ITPR1: variants seen among roughly 807,000 people sequenced by gnomAD.
ITPR1 encodes the protein inositol 1,4,5-trisphosphate receptor type 1, also known as inositol 1,4,5-trisphosphate-gated calcium channel ITPR1.
A neutral mutation model predicts 318.4 loss-of-function variants in ITPR1; 96 were observed. That is an observed-to-expected ratio of 0.30 (90% confidence interval 0.26 to 0.36). The LOEUF (loss-of-function observed/expected upper bound fraction) is 0.36, where lower values mean the gene tolerates loss of function less well. Among genes scored for constraint, ITPR1 ranks in the 10% least tolerant of loss-of-function variants. The pLI is 1.00. For missense variants in ITPR1, 2,440 were observed against 3,460.2 expected, an observed-to-expected ratio of 0.71 and a Z score of 7.40; for synonymous variants, 1,312 against 1,289.9, an observed-to-expected ratio of 1.02 and a Z score of -0.37.
chr3:4,796,298 G>A (rs900485156), intron 53 of ITPR1, among the ~76,000 whole-genome samples: 8 of 87,320 alleles, frequency 9.2e-5, no homozygotes, highest in African/African-American at 3.8e-4. Context: ...GTCCAGGGGG[G>A]ATTTTTTTTT....
Position 4,710,556 on chromosome 3 carries a change from T to A in ITPR1, c.4991+83T>A. On this transcript the variant is annotated intron_variant, in intron 38 of 61. Coordinates refer to ENST00000649015, the MANE Select transcript of ITPR1 (RefSeq NM_001378452.1). This position sits in a 1 kb window ranked among gnomAD's most constrained non-coding sequence, Gnocchi z 4.2. ...GCTTTTGTTCCCGAAGAAGGAGACG[T>A]TGTCCTGTTTTTTAACTTTGATGAA... 7.2e-7 allele frequency: 1 copy of A among 1,383,832 alleles called. No individual in the cohort carries two copies. Among genetic ancestry groups the A allele is most frequent in the Non-Finnish European group, 9.8e-7 (1 of 1,020,686 alleles). The allele number at this position is 1,383,832 out of a possible 1,614,324, so 85.7% of individuals were successfully genotyped here.
At chr3:4,785,540 A>C (rs1167092096) in intron 51 of ITPR1, among the ~76,000 whole-genome samples, 1 of 148,448 alleles carries the variant, frequency 6.7e-6, no homozygotes, top group African/African-American at 2.5e-5. Context: ...TTCACTGATT[A>C]GCCAACCATG....
chr3:4,617,830 C>CAA (rs34216867), intron 4 of ITPR1, among the ~76,000 whole-genome samples: 3,137 of 141,554 alleles, frequency 0.022, 112 homozygotes, highest in African/African-American at 0.075. Flanking sequence ...TTAAAAAATG[C>CAA]AAAAAAAAAA....
At chr3:4,742,725 C>T (rs2043798483) in intron 44 of ITPR1, among the ~76,000 whole-genome samples, 1 of 152,084 alleles carries the variant, frequency 6.6e-6, no homozygotes, top group South Asian at 2.1e-4. Context: ...TCCTGAGTAG[C>T]TGGGACTATA....
At chr3:4,530,889 T>A (rs931167339) in intron 4 of ITPR1, among the ~76,000 whole-genome samples, 4 of 152,158 alleles carry the variant, frequency 2.6e-5, no homozygotes, top group African/African-American at 9.7e-5. Flanking sequence ...TGACTCCTAA[T>A]GTTTGATCTT....
At chr3:4,800,166 G>C (rs1016604746) in intron 53 of ITPR1, 1 of 480,002 alleles carries the variant, frequency 2.1e-6, no homozygotes, top group African/African-American at 2.0e-5. Context: ...AGGCTTCCTG[G>C]AAGAAGTAAT....
At chr3:4,689,288 C>A (rs1479457943) in intron 31 of ITPR1, among the ~76,000 whole-genome samples, 2 of 149,054 alleles carry the variant, frequency 1.3e-5, no homozygotes, top group African/African-American at 4.9e-5. Context: ...GTAAACAATA[C>A]TGCAAAGGAC....
intron 32 of ITPR1, 126 bp downstream of exon 32, chr3:4,691,470 G>T: frequency 1.6e-6 from 1 of 629,500 alleles, no homozygotes; most frequent in Admixed American, 2.7e-5. Context: ...AAGTAATTGT[G>T]TGTGCATATG....
At chr3:4,805,445 T>C (rs932013230) in intron 54 of ITPR1, among the ~76,000 whole-genome samples, 3 of 152,184 alleles carry the variant, frequency 2.0e-5, no homozygotes, top group African/African-American at 4.8e-5. Context: ...GGGAATACAA[T>C]ATTGTGATGG....
intron 5 of ITPR1, among the ~76,000 whole-genome samples, chr3:4,637,492 C>T (rs1201407909): frequency 1.3e-5 from 2 of 152,216 alleles, no homozygotes; most frequent in African/African-American, 4.8e-5. Flanking sequence ...GTGCTGAGGG[C>T]AACTTGCATG....
chr3:4,600,303 C>T lies in ITPR1; in HGVS notation c.164-27460C>T, dbSNP rs181599803. Among the ~76,000 whole-genome samples the T allele has an allele frequency of 2.4e-4, 36 of 152,236 alleles. No individual in the cohort carries two copies. The East Asian group carries it at 5.6e-3, about 24-fold the overall frequency. On this transcript the variant is annotated intron_variant, in intron 4 of 61. Transcript: ENST00000649015. ...TCATTCTACACATCCCTCAAGTTCC[C>T]TTGTGAATTAGAACTGGTGTTGAGG...
intron 2 of ITPR1, among the ~76,000 whole-genome samples, chr3:4,514,293 G>A (rs549779378): frequency 2.0e-5 from 3 of 152,150 alleles, no homozygotes; most frequent in Admixed American, 2.0e-4. Context: ...CACAATGGTG[G>A]GCATGAGAAA....
At chr3:4,609,373 C>T (rs1468058968) in intron 4 of ITPR1, among the ~76,000 whole-genome samples, 1 of 151,882 alleles carries the variant, frequency 6.6e-6, no homozygotes, top group African/African-American at 2.4e-5. Context: ...AAACATAGGT[C>T]ATGAAATAAG....
intron 13 of ITPR1, among the ~76,000 whole-genome samples, chr3:4,658,802 A>G (rs905433533): frequency 2.6e-5 from 4 of 152,100 alleles, no homozygotes; most frequent in African/African-American, 7.2e-5. Context: ...TTCAGGGGAC[A>G]TAACTGGACT....
At position 4,688,569 on chromosome 3, in the gene ITPR1, G is replaced by A. The variant is rs1186413299; in HGVS notation, c.3777G>A (p.Gln1259=). The part of the protein sequence containing the change: ...EFLQNFCAGN[Q]QNQALLHKHI... ...TGCAGAATTTCTGCGCAGGCAACCA[G>A]CAGAATCAAGCTTTGCTACATAAAC... Residue 1259 remains glutamine (Q), a synonymous_variant, in exon 31 of 62, where the codon CAG becomes CAA. Transcript: ENST00000649015. 6.2e-7 allele frequency: 1 copy of A among 1,613,894 alleles called. No individual in the cohort carries two copies. The highest frequency in any genetic ancestry group is 8.5e-7 in the Non-Finnish European group (1 of 1,179,876).
chr3:4,684,722 C>T (rs1283841664), intron 29 of ITPR1, among the ~76,000 whole-genome samples: 7 of 152,182 alleles, frequency 4.6e-5, no homozygotes, highest in South Asian at 2.1e-4. Flanking sequence ...CCTTTGCGTA[C>T]GCTGGTTCAA....
chr3:4,710,634 T>C lies in ITPR1; in HGVS notation c.4991+161T>C, dbSNP rs563062440. ...CTGACCTCCCCAAAGTAAGTTTGTC[T>C]ATTAAATCCTGCTTACTGACACTTT... is the stretch of plus-strand genomic sequence containing the variant. On this transcript the variant is annotated intron_variant, in intron 38 of 61. Transcript: ENST00000649015. This position sits in a 1 kb window ranked among gnomAD's most constrained non-coding sequence, Gnocchi z 4.2. 2.0e-5 allele frequency among the ~76,000 whole-genome samples: 3 copies of C among 152,330 alleles called. No homozygotes were observed. The highest frequency in any genetic ancestry group is 4.4e-5 in the Non-Finnish European group (3 of 68,030).
chr3:4,625,724 T>A (rs1290904060), intron 4 of ITPR1, among the ~76,000 whole-genome samples: 1 of 150,824 alleles, frequency 6.6e-6, no homozygotes, highest in Non-Finnish European at 1.5e-5. Flanking sequence ...GCCCGGCTAA[T>A]TTTTTGTATT....
intron 23 of ITPR1, 66 bp downstream of exon 23, chr3:4,675,314 C>T (rs1305661402): frequency 1.1e-5 from 13 of 1,162,504 alleles, no homozygotes; most frequent in African/African-American, 1.6e-5. Flanking sequence ...ATGCTCATGT[C>T]ATACCCTATA....
Sources: allele counts gnomAD v4.1 joint callset (sites outside exome capture counted in the v4.1 genomes callset), GRCh38; gene constraint gnomAD v4.1.1; non-coding constraint Gnocchi (gnomAD v3.1); transcripts MANE v1.5; gene names NCBI Gene and HGNC (gene_info 2026-07-23, HGNC 2026-07-21).